Variants in GRID2 observed in about 807,000 individuals in gnomAD.
GRID2 encodes glutamate receptor ionotropic, delta-2.
A neutral mutation model predicts 114.8 loss-of-function variants in GRID2; 33 were observed. The ratio of observed to expected loss-of-function variants is 0.29; its 90% CI spans 0.22 to 0.38. The LOEUF (loss-of-function observed/expected upper bound fraction) is 0.38, where lower values mean the gene tolerates loss of function less well. Among genes scored for constraint, GRID2 ranks in the 10% least tolerant of loss-of-function variants. The probability of loss-of-function intolerance (pLI) is 1.00; values close to 1 mark genes in which losing one functional copy is unlikely to be tolerated. For missense variants in GRID2, 1,184 were observed against 1,257.7 expected, an observed-to-expected ratio of 0.94 and a Z score of 0.89; for synonymous variants, 505 against 449.9, an observed-to-expected ratio of 1.12 and a Z score of -1.55.
At chr4:92,574,246 A>T (rs765638050) in intron 1 of GRID2, among the ~76,000 whole-genome samples, 2 of 152,108 alleles carry the variant, frequency 1.3e-5, no homozygotes, top group Non-Finnish European at 2.9e-5. Context: ...TTCTGTACCC[A>T]GCTTGCCATT....
intron 2 of GRID2, among the ~76,000 whole-genome samples, chr4:92,803,745 G>T (rs571009939): frequency 7.6e-4 from 115 of 152,134 alleles, no homozygotes; most frequent in African/African-American, 2.5e-3. Flanking sequence ...TGCATTGAAT[G>T]CTAAAAGGTA....
chr4:93,521,769 T>A (rs980467002), intron 13 of GRID2, among the ~76,000 whole-genome samples: 1 of 151,982 alleles, frequency 6.6e-6, no homozygotes, highest in Non-Finnish European at 1.5e-5. Context: ...AACTAATATT[T>A]GAGAGAGTGA....
At chr4:93,074,261 T>C (rs1285790937) in intron 2 of GRID2, among the ~76,000 whole-genome samples, 1 of 152,202 alleles carries the variant, frequency 6.6e-6, no homozygotes, top group Non-Finnish European at 1.5e-5. Context: ...TGTATCAATA[T>C]ATTCTATTTA....
chr4:92,487,401 G>A (rs886617389), intron 1 of GRID2, among the ~76,000 whole-genome samples: 6 of 151,080 alleles, frequency 4.0e-5, no homozygotes, highest in South Asian at 2.1e-4. Context: ...TATTATACTC[G>A]TGCTGAAAAA....
Position 93,437,103 on chromosome 4 carries a change from G to A in GRID2, c.1545+14135G>A, listed in dbSNP as rs79024105. ...ACTGCAATTAACACAAAACCCACAA[G>A]GAATTTAAAAGCATAGCTTGAAACT... On this transcript the variant is annotated intron_variant, in intron 10 of 15. Coordinates refer to ENST00000282020, the MANE Select transcript of GRID2 (RefSeq NM_001510.4). Among the ~76,000 whole-genome samples the A allele has an allele frequency of 5.5e-3, 844 of 152,090 alleles. 4 individuals are homozygous for A. Among genetic ancestry groups the A allele is most frequent in the African/African-American group, 0.019 (806 of 41,500 alleles).
intron 8 of GRID2, among the ~76,000 whole-genome samples, chr4:93,356,165 T>A (rs1761316792): frequency 6.6e-6 from 1 of 152,098 alleles, no homozygotes; most frequent in Admixed American, 6.6e-5. Context: ...CTCACCACAT[T>A]TGTTGAGCAC....
intron 1 of GRID2, among the ~76,000 whole-genome samples, chr4:92,417,118 G>A (rs575226835): frequency 1.3e-5 from 2 of 152,042 alleles, no homozygotes; most frequent in East Asian, 3.9e-4. Context: ...CAAAGAAGGT[G>A]CAAAAATAAT....
intron 11 of GRID2, among the ~76,000 whole-genome samples, chr4:93,481,309 G>T (rs960359639): frequency 6.6e-6 from 1 of 152,012 alleles, no homozygotes; most frequent in Non-Finnish European, 1.5e-5. Flanking sequence ...ATAACAAGAA[G>T]GTTCAGAAGA....
At chr4:93,242,733 T>C (rs75515038) in intron 8 of GRID2, among the ~76,000 whole-genome samples, 177 of 152,050 alleles carry the variant, frequency 1.2e-3, no homozygotes, top group Non-Finnish European at 1.7e-3. Context: ...GAATTCATTA[T>C]CCTAAGGCTG....
intron 4 of GRID2, among the ~76,000 whole-genome samples, chr4:93,131,145 A>ATTTTTTTTTTTTTTTTTTTTTTTTTT (rs34215461): frequency 6.8e-5 from 6 of 88,754 alleles, no homozygotes; most frequent in African/African-American, 2.1e-4. Flanking sequence ...AGATTAAATA[A>ATTTTTTTTTTTTTTTTTTTTTTTTTT]TTTTTTTTTT....
chr4:93,369,738 C>G (rs1352439115), intron 8 of GRID2, among the ~76,000 whole-genome samples: 3 of 152,162 alleles, frequency 2.0e-5, no homozygotes, highest in Non-Finnish European at 4.4e-5. Context: ...ATCCTCCTGC[C>G]TTGGCCTCCC....
intron 8 of GRID2, among the ~76,000 whole-genome samples, chr4:93,363,202 G>A (rs1762034367): frequency 6.6e-6 from 1 of 152,176 alleles, no homozygotes; most frequent in South Asian, 2.1e-4. Context: ...GGACGACAGA[G>A]TGAGACCCTG....
intron 1 of GRID2, among the ~76,000 whole-genome samples, chr4:92,373,550 C>A (rs1315341808): frequency 6.6e-6 from 1 of 152,168 alleles, no homozygotes; most frequent in Admixed American, 6.5e-5. Context: ...AATGTCACGA[C>A]AAAATAATTT....
At chr4:93,704,724 G>A (rs973188756) in intron 14 of GRID2, among the ~76,000 whole-genome samples, 1 of 152,040 alleles carries the variant, frequency 6.6e-6, no homozygotes, top group African/African-American at 2.4e-5. Flanking sequence ...TCTGTGCCTG[G>A]ATTTTTTTCA....
At chr4:92,330,287 G>T (rs1166956908) in intron 1 of GRID2, among the ~76,000 whole-genome samples, 3 of 152,082 alleles carry the variant, frequency 2.0e-5, no homozygotes, top group African/African-American at 7.2e-5. Context: ...CTGACAACAT[G>T]ACAGAGGATC....
intron 2 of GRID2, among the ~76,000 whole-genome samples, chr4:92,813,656 A>ACG (rs998593324): frequency 1.3e-5 from 2 of 152,020 alleles, no homozygotes; most frequent in Admixed American, 1.3e-4. Flanking sequence ...AGACACACGC[A>ACG]CGCACACACA....
intron 4 of GRID2, among the ~76,000 whole-genome samples, chr4:93,144,805 T>C (rs1267886925): frequency 6.6e-6 from 1 of 152,198 alleles, no homozygotes; most frequent in African/African-American, 2.4e-5. Context: ...TTCTGTGCTT[T>C]GTGCCCAATA....
intron 14 of GRID2, among the ~76,000 whole-genome samples, chr4:93,688,945 C>A (rs545554802): frequency 2.0e-5 from 3 of 152,058 alleles, no homozygotes; most frequent in Admixed American, 1.3e-4. Flanking sequence ...AAGTCCTGAG[C>A]CTTAGTACTT....
chr4:93,227,114 T>C (rs1359006135), intron 7 of GRID2, among the ~76,000 whole-genome samples: 1 of 152,190 alleles, frequency 6.6e-6, no homozygotes, highest in Non-Finnish European at 1.5e-5. Flanking sequence ...TCAAAGACTT[T>C]TGAAATTCCT....
Sources: allele counts gnomAD v4.1 joint callset (sites outside exome capture counted in the v4.1 genomes callset), GRCh38; gene constraint gnomAD v4.1.1; transcripts MANE v1.5; gene names NCBI Gene and HGNC (gene_info 2026-07-23, HGNC 2026-07-21).